Variants in IBTK observed in about 807,000 individuals in gnomAD.
IBTK encodes inhibitor of Bruton tyrosine kinase.
IBTK carries 83 observed loss-of-function variants against 154.9 expected under a neutral mutation model. That is an observed-to-expected ratio of 0.54 (90% CI 0.45 to 0.64). IBTK has a LOEUF of 0.64. IBTK is among the 30% of genes least tolerant of loss of function. The pLI, the probability that IBTK is intolerant of heterozygous loss-of-function variation, is 0.00. For missense variants in IBTK, 1,332 were observed against 1,584.6 expected (o/e 0.84, Z 2.71); for synonymous variants, 515 against 536.1 (o/e 0.96, Z 0.54).
At chr6:82,217,820 A>C in intron 10 of IBTK, 140 bp downstream of exon 10, 2 of 518,872 alleles carry the variant, frequency 3.9e-6, no homozygotes, top group Non-Finnish European at 6.5e-6. Flanking sequence ...CTCTAATAGG[A>C]AACAGGCATT....
chr6:82,191,653 A>G (rs1582196480), intron 24 of IBTK, 134 bp downstream of exon 24: 1 of 719,054 alleles, frequency 1.4e-6, no homozygotes, highest in East Asian at 2.7e-5. Flanking sequence ...TGGAGGCTAA[A>G]TTGCCCAGAA....
At chr6:82,246,462 T>TTTTTTTTTTTTC (rs1771148944) in intron 1 of IBTK, among the ~76,000 whole-genome samples, 1 of 147,726 alleles carries the variant, frequency 6.8e-6, no homozygotes, top group African/African-American at 2.5e-5. Flanking sequence ...TTTTTTTTTT[T>TTTTTTTTTTTTC]GAGATGGTGC....
At chr6:82,224,692 A>G (rs1770230380) in intron 6 of IBTK, among the ~76,000 whole-genome samples, 2 of 152,226 alleles carry the variant, frequency 1.3e-5, no homozygotes, top group South Asian at 4.1e-4. Flanking sequence ...TTTTGGACCC[A>G]TGTCCCCTAA....
chr6:82,187,975 G>A (rs1056772131), intron 25 of IBTK, among the ~76,000 whole-genome samples: 2 of 151,992 alleles, frequency 1.3e-5, no homozygotes, highest in East Asian at 1.9e-4. Context: ...ACTGAGATAC[G>A]CTTCCAGAAT....
intron 21 of IBTK, among the ~76,000 whole-genome samples, chr6:82,197,285 C>T (rs1222626501): frequency 1.3e-5 from 2 of 152,046 alleles, no homozygotes; most frequent in East Asian, 3.9e-4. Context: ...AAGTAAATCA[C>T]CTTAACAAGC....
chr6:82,240,174 G>A lies in IBTK; in HGVS notation c.313C>T (p.Leu105=). 6.2e-7 allele frequency: 1 copy of A among 1,611,080 alleles called. No homozygotes were observed. Among genetic ancestry groups the A allele is most frequent in the Non-Finnish European group, 8.5e-7 (1 of 1,177,616 alleles). The stretch of plus-strand genomic sequence containing the variant: ...AAACAAATGACAATTACCTTCAATA[G>A]AGACCAAACACAATCAATATGTCCA... The part of the protein sequence containing the change: ...FYGHIDCVWS[L]LKHGVSLYIQ... The change falls in exon 2 of 29, where the codon CTA becomes TTA. Residue 105 remains leucine, a synonymous_variant. Transcript: ENST00000306270.
chr6:82,237,088 G>T (rs561352655), intron 2 of IBTK, among the ~76,000 whole-genome samples: 1 of 152,232 alleles, frequency 6.6e-6, no homozygotes, highest in African/African-American at 2.4e-5. Context: ...AATCTCACAG[G>T]AAGGAAAGGA....
At chr6:82,190,907 GTGTT>G (rs1215262278) in intron 25 of IBTK, among the ~76,000 whole-genome samples, 162 bp downstream of exon 25, 7 of 152,070 alleles carry the variant, frequency 4.6e-5, no homozygotes, top group African/African-American at 1.7e-4. Context: ...AACAAAAAAA[GTGTT>G]TGTTTCCCAA....
At chr6:82,206,416 T>C (rs370634398) in intron 16 of IBTK, among the ~76,000 whole-genome samples, 3,157 of 150,626 alleles carry the variant, frequency 0.021, 120 homozygotes, top group African/African-American at 0.071. Flanking sequence ...AGTAAAGATA[T>C]TGAATTAGTG....
intron 23 of IBTK, among the ~76,000 whole-genome samples, chr6:82,193,282 A>G (rs780592493): frequency 2.0e-5 from 3 of 152,180 alleles, no homozygotes; most frequent in Non-Finnish European, 4.4e-5. Flanking sequence ...CATTTTGTCA[A>G]TGAGCATAGT....
At chr6:82,206,027 T>C (rs1265981116) in intron 16 of IBTK, 5 of 151,898 alleles carry the variant, frequency 3.3e-5, no homozygotes, top group South Asian at 4.1e-4. Context: ...CTGTGGAAAA[T>C]TGTCATAATC....
intron 21 of IBTK, among the ~76,000 whole-genome samples, chr6:82,199,023 T>C (rs768468504): frequency 1.3e-5 from 2 of 152,032 alleles, no homozygotes; most frequent in Non-Finnish European, 2.9e-5. Context: ...AAAAAGACTA[T>C]AAAAACATTT....
chr6:82,187,132 TCTCAAA>T (rs1768584983), intron 25 of IBTK, among the ~76,000 whole-genome samples: 1 of 152,038 alleles, frequency 6.6e-6, no homozygotes, highest in Admixed American at 6.6e-5. Context: ...GCCAGGCTGG[TCTCAAA>T]CTCCTGACCT....
intron 26 of IBTK, among the ~76,000 whole-genome samples, chr6:82,180,199 C>T (rs1467750688): frequency 3.3e-5 from 5 of 152,050 alleles, no homozygotes; most frequent in African/African-American, 1.2e-4. Context: ...TGCAAAAAGG[C>T]TTAATCTGCT....
At chr6:82,175,805 G>A (rs1474525306) in intron 26 of IBTK, among the ~76,000 whole-genome samples, 3 of 151,736 alleles carry the variant, frequency 2.0e-5, no homozygotes, top group East Asian at 3.9e-4. Context: ...CGAGGCAGGC[G>A]GATCACCTGA....
intron 3 of IBTK, among the ~76,000 whole-genome samples, 187 bp from the exon 4 acceptor site, chr6:82,232,029 C>T (rs931707977): frequency 2.7e-5 from 4 of 150,312 alleles, no homozygotes; most frequent in African/African-American, 9.8e-5. Context: ...AGCAATCAAA[C>T]ATTTGTTCCT....
chr6:82,222,951 T>C (rs1770153442), intron 8 of IBTK, among the ~76,000 whole-genome samples: 1 of 151,900 alleles, frequency 6.6e-6, no homozygotes, highest in South Asian at 2.1e-4. Context: ...ACTTGACTAG[T>C]CAACCAACTG....
At chr6:82,177,204 T>C (rs1424249222) in intron 26 of IBTK, among the ~76,000 whole-genome samples, 3 of 81,700 alleles carry the variant, frequency 3.7e-5, no homozygotes, top group African/African-American at 1.1e-4. Flanking sequence ...TGTTTTGTTG[T>C]TGTTGTTGTT....
chr6:82,172,397 G>T lies in IBTK; in HGVS notation c.3913C>A (p.Pro1305Thr). The T allele has an allele frequency of 3.1e-6, 5 of 1,613,612 alleles. No homozygotes were observed. Among genetic ancestry groups the T allele is most frequent in the Non-Finnish European group, 2.5e-6 (3 of 1,179,826 alleles). ...TTATTTACCTGAATCAGAGCCAACG[G>T]TTTTTCTCGACTTCTAATAAGAGCT... ...EAALIRSREKPLALIQIEEHA... is the reference protein window; with the variant it reads ...EAALIRSREKTLALIQIEEHA... Residue 1305 changes from proline (P) to threonine (T), a missense_variant, in exon 28 of 29, where the codon CCG becomes ACG. This residue lies in a region of IBTK where 1,134 missense variants were observed against 1,274.7 expected (regional missense o/e 0.89). Coordinates refer to ENST00000306270, the MANE Select transcript of IBTK (RefSeq NM_015525.4).
Sources: allele counts gnomAD v4.1 joint callset (sites outside exome capture counted in the v4.1 genomes callset), GRCh38; gene constraint gnomAD v4.1.1; regional missense constraint gnomAD v4.1.1; transcripts MANE v1.5; gene names NCBI Gene and HGNC (gene_info 2026-07-23, HGNC 2026-07-21).